CEP152: variants seen among roughly 807,000 people sequenced by gnomAD.
CEP152 encodes the protein centrosomal protein 152, also known as centrosomal protein of 152 kDa.
CEP152 carries 132 observed loss-of-function variants against 188.9 expected under a neutral mutation model. The ratio of observed to expected loss-of-function variants is 0.70; its 90% CI spans 0.61 to 0.81. The LOEUF is 0.81. Among genes scored for constraint, CEP152 ranks in the 30% least tolerant of loss-of-function variants. The pLI is 0.00. For synonymous variants in CEP152, 649 were observed against 666.6 expected, an observed-to-expected ratio of 0.97 and a Z score of 0.41; for missense variants, 1,914 against 1,969.8, an observed-to-expected ratio of 0.97 and a Z score of 0.54.
intron 20 of CEP152, among the ~76,000 whole-genome samples, chr15:48,754,632 G>A (rs577866258): frequency 6.6e-6 from 1 of 152,220 alleles, no homozygotes; most frequent in East Asian, 1.9e-4. Flanking sequence ...GTGAGGTCAA[G>A]GATAAAAATA....
chr15:48,741,837 CT>C, intron 25 of CEP152, 109 bp downstream of exon 25: 1 of 1,610,172 alleles, frequency 6.2e-7, no homozygotes, highest in Non-Finnish European at 8.5e-7. Flanking sequence ...TCTTAACCCC[CT>C]ATGGCTGATC....
At position 48,748,459 on chromosome 15, in the gene CEP152, T is replaced by C; in HGVS notation, c.3618A>G (p.Val1206=). 1.3e-6 allele frequency: 2 copies of C among 1,532,794 alleles called. No individual in the cohort carries two copies. The highest frequency in any genetic ancestry group is 1.7e-6 in the Non-Finnish European group (2 of 1,145,578). The allele number at this position is 1,532,794 out of a possible 1,614,324, so 94.9% of individuals were successfully genotyped here. The part of the protein sequence containing the change: ...LQHLERKHKA[V]VEKIGEENNK... Reference sequence around the variant, plus strand: ...AATGCTAACCTCCAATTTTTTCCACTACAGCTTTGTGCTTCCTTTCTAAAT... The same window carrying C: ...AATGCTAACCTCCAATTTTTTCCACCACAGCTTTGTGCTTCCTTTCTAAAT... Residue 1206 remains valine (V), a synonymous_variant, in exon 22 of 27, where the codon GTA becomes GTG. Transcript: ENST00000380950.
intron 8 of CEP152, chr15:48,789,327 T>C (rs1896868253): frequency 2.6e-6 from 1 of 386,832 alleles, no homozygotes; most frequent in African/African-American, 2.0e-5. Context: ...CCCAGTGCTG[T>C]TTGCATTGCT....
intron 12 of CEP152, among the ~76,000 whole-genome samples, chr15:48,776,058 G>T (rs903858439): frequency 6.6e-6 from 1 of 151,456 alleles, no homozygotes; most frequent in African/African-American, 2.4e-5. Flanking sequence ...AACAGAAAAT[G>T]ATTGCCCTAA....
chr15:48,737,757 T>G (rs1483987139), downstream of CEP152, among the ~76,000 whole-genome samples: 1 of 152,160 alleles, frequency 6.6e-6, no homozygotes, highest in Admixed American at 6.5e-5. Flanking sequence ...GAGTAGATAT[T>G]GCTAGGAAAA....
chr15:48,787,851 AGCAAACT>A (rs1238599980), intron 9 of CEP152, among the ~76,000 whole-genome samples: 2 of 152,236 alleles, frequency 1.3e-5, no homozygotes. Flanking sequence ...ATGGAGCACA[AGCAAACT>A]CACCACCTGA....
In CEP152 at chr15:48,793,394, C is replaced by A. The variant is rs139994108; in HGVS notation, c.759G>T (p.Glu253Asp). The stretch of plus-strand genomic sequence containing the variant: ...TTTCATTTAACTTTTCAATTAAGTT[C>A]TCCAGTTGTCTCTCTTTTGCTTTGT... ...VLNKAKERQL[E>D]NLIEKLNESE... The change falls in exon 7 of 27, where the codon GAG (glutamate) becomes GAT (aspartate). Residue 253 changes from glutamate to aspartate, a missense_variant. By Grantham distance (45) the Glu-to-Asp change is conservative. Coordinates refer to ENST00000380950, the MANE Select transcript of CEP152 (RefSeq NM_001194998.2). The A allele has an allele frequency of 8.7e-6, 14 of 1,613,844 alleles. No homozygotes were observed. Among genetic ancestry groups the A allele is most frequent in the East Asian group, 6.7e-5 (3 of 44,838 alleles).
At chr15:48,798,129 G>A in intron 2 of CEP152, 78 bp from the exon 3 acceptor site, 1 of 1,091,868 alleles carries the variant, frequency 9.2e-7, no homozygotes, top group South Asian at 1.3e-5. Context: ...GGAACGAGTG[G>A]TTTTTTACTG....
intron 2 of CEP152, among the ~76,000 whole-genome samples, chr15:48,800,624 T>G (rs1157749609): frequency 6.6e-6 from 1 of 152,216 alleles, no homozygotes; most frequent in African/African-American, 2.4e-5. Flanking sequence ...TAACAATCCT[T>G]ATAAGTGATA....
At chr15:48,793,288 G>C (rs1291336807) in intron 7 of CEP152, 33 bp downstream of exon 7, 2 of 1,611,558 alleles carry the variant, frequency 1.2e-6, no homozygotes, top group Non-Finnish European at 1.7e-6. Flanking sequence ...CTAACTCAGT[G>C]TACCTCATAA....
downstream of CEP152, among the ~76,000 whole-genome samples, chr15:48,733,598 T>A (rs547218429): frequency 1.3e-5 from 2 of 150,454 alleles, no homozygotes; most frequent in South Asian, 2.1e-4. Context: ...CAGAAAAAAA[T>A]AATTGAAGAA....
At chr15:48,754,526 C>CA (rs112999815) in intron 20 of CEP152, among the ~76,000 whole-genome samples, 4,616 of 151,880 alleles carry the variant, frequency 0.03, 225 homozygotes, top group African/African-American at 0.11. Flanking sequence ...TTATTTTCTC[C>CA]AAAAAATCTC....
chr15:48,784,187 T>G (rs1048671296), intron 9 of CEP152, 67 bp from the exon 10 acceptor site: 1 of 1,438,032 alleles, frequency 7.0e-7, no homozygotes, highest in Non-Finnish European at 9.6e-7. Context: ...AACTAAAAAT[T>G]ATGATACATA....
intron 10 of CEP152, among the ~76,000 whole-genome samples, chr15:48,782,964 C>T (rs1204583133): frequency 6.6e-6 from 1 of 152,182 alleles, no homozygotes; most frequent in Non-Finnish European, 1.5e-5. Flanking sequence ...CCAAATTTTG[C>T]CCCCTATCAA....
intron 2 of CEP152, 83 bp from the exon 3 acceptor site, chr15:48,798,134 T>G (rs1811459945): frequency 9.5e-7 from 1 of 1,054,656 alleles, no homozygotes; most frequent in Non-Finnish European, 1.5e-6. Context: ...GAGTGGTTTT[T>G]TACTGTAGAG....
intron 10 of CEP152, 198 bp downstream of exon 10, chr15:48,783,775 G>GTGTA (rs34893914): frequency 5.6e-6 from 1 of 178,680 alleles, no homozygotes; most frequent in African/African-American, 2.5e-5. Flanking sequence ...ATGTGTGTAT[G>GTGTA]TATATATATA....
chr15:48,756,182 C>A lies in CEP152; in HGVS notation c.3066G>T (p.Gln1022His). 6.2e-7 allele frequency: 1 copy of A among 1,614,012 alleles called. No individual in the cohort carries two copies. The highest frequency in any genetic ancestry group is 8.5e-7 in the Non-Finnish European group (1 of 1,179,972). The change falls in exon 20 of 27, where the codon CAG (glutamine) becomes CAT (histidine). Residue 1022 changes from glutamine to histidine, a missense_variant. Physicochemically the swap from Gln to His is conservative, Grantham distance 24. Transcript: ENST00000380950. ...KETELQTCLD[Q>H]SRREWTMQEA... ...CCTGCATAGTCCATTCTCTACGACT[C>A]TGGTCTAGACAAGTTTGTAATTCTG...
chr15:48,764,367 T>C (rs182356887), intron 17 of CEP152, among the ~76,000 whole-genome samples: 2 of 152,302 alleles, frequency 1.3e-5, no homozygotes, highest in African/African-American at 2.4e-5. Flanking sequence ...TTTGCTTACA[T>C]ATTCTTCTCT....
chr15:48,768,849 G>T, intron 14 of CEP152, 107 bp downstream of exon 14: 1 of 802,798 alleles, frequency 1.2e-6, no homozygotes, highest in Non-Finnish European at 2.0e-6. Flanking sequence ...TAATATACTT[G>T]TCTACTAACT....
Sources: allele counts gnomAD v4.1 joint callset (sites outside exome capture counted in the v4.1 genomes callset), GRCh38; gene constraint gnomAD v4.1.1; transcripts MANE v1.5; gene names NCBI Gene and HGNC (gene_info 2026-07-23, HGNC 2026-07-21).